Variants in ACOT9 observed in about 807,000 individuals in gnomAD.
ACOT9 encodes the protein acyl-CoA thioesterase 9, also known as acyl-coenzyme A thioesterase 9, mitochondrial.
In ACOT9, 34 loss-of-function variants were observed where a neutral mutation model predicts 39.7. The ratio of observed to expected loss-of-function variants is 0.86; its 90% CI spans 0.65 to 1.14. The LOEUF is 1.14. Ranked by LOEUF, ACOT9 falls within the 50% of genes most tolerant of loss-of-function variation. The pLI is 0.00. For synonymous variants in ACOT9, 110 were observed against 120.5 expected, an observed-to-expected ratio of 0.91 and a Z score of 0.57; for missense variants, 313 against 344.1, an observed-to-expected ratio of 0.91 and a Z score of 0.71.
At chrX:23,731,343 G>C (rs773229462) in intron 4 of ACOT9, among the ~76,000 whole-genome samples, 68 of 110,265 alleles carry the variant, frequency 6.2e-4, no homozygotes, top group African/African-American at 2.1e-3. Flanking sequence ...CAGGTGTGGT[G>C]GTGGGCACCT....
rs1183805546 is a variant in ACOT9 at position 23,730,811 on chromosome X, G to A, written c.362+5C>T. The A allele has an allele frequency of 8.4e-7, 1 of 1,190,169 alleles. No individual in the cohort carries two copies. Among genetic ancestry groups the A allele is most frequent in the Admixed American group, 2.4e-5 (1 of 41,809 alleles). On this transcript the variant is annotated splice_donor_5th_base_variant and intron_variant, in intron 5 of 15. Coordinates refer to ENST00000379303, the MANE Select transcript of ACOT9 (RefSeq NM_001037171.2). ...AACAAATACATAAAAATAGCACTGTGTTACCTTACGGTGTTTTGAACAGTC... is the reference window on the plus strand; with the variant it reads ...AACAAATACATAAAAATAGCACTGTATTACCTTACGGTGTTTTGAACAGTC...
intron 3 of ACOT9, among the ~76,000 whole-genome samples, chrX:23,733,949 T>TG (rs754095209): frequency 9.0e-6 from 1 of 111,454 alleles, no homozygotes; most frequent in African/African-American, 3.3e-5. Flanking sequence ...TTAGTAGAGA[T>TG]GGGGTTTCAC....
rs1330840320 is a variant in ACOT9 at position 23,730,396 on chromosome X, G to C, written c.400+131C>G. 5.5e-6 allele frequency: 3 copies of C among 541,488 alleles called. No individual in the cohort carries two copies. In the African/African-American group the frequency reaches 7.1e-5, roughly 13 times the overall value. The allele number at this position is 541,488 out of a possible 1,213,427, so 44.6% of individuals were successfully genotyped here. ...GCATGAGCCACCACGCCCGGCCGAT[G>C]TCCTTCTTTTTTTGTGCACTTTAGA... On this transcript the variant is annotated intron_variant, in intron 6 of 15. Coordinates refer to ENST00000379303, the MANE Select transcript of ACOT9 (RefSeq NM_001037171.2).
chrX:23,720,742 G>A (rs746575796), intron 8 of ACOT9, among the ~76,000 whole-genome samples: 1 of 110,946 alleles, frequency 9.0e-6, no homozygotes, highest in East Asian at 2.8e-4. Context: ...ACCAGTTTAT[G>A]GTACTTTGTG....
At chrX:23,708,002 G>A in intron 9 of ACOT9, 58 bp from the exon 10 acceptor site, 1 of 999,174 alleles carries the variant, frequency 1.0e-6, no homozygotes, top group Non-Finnish European at 1.4e-6. Flanking sequence ...AATAAAACTT[G>A]AAGATGAACA....
Position 23,742,213 on chromosome X carries a change from T to TGAGTGAGAGAGAGA in ACOT9, c.20+911_20+912insTCTCTCTCTCACTC, listed in dbSNP as rs1555941896. Among the ~76,000 whole-genome samples, 15 of 68,882 alleles carry TGAGTGAGAGAGAGA rather than the reference T, an allele frequency of 2.2e-4. 1 individual carries two copies. The highest frequency in any genetic ancestry group is 8.2e-4 in the South Asian group (1 of 1,223). The allele number at this position is 68,882 out of a possible 115,157, so 59.8% of individuals were successfully genotyped here. On this transcript the variant is annotated intron_variant, in intron 1 of 15. Transcript: ENST00000379303. Reference sequence around the variant, plus strand: ...AAAGTCCCCAGGAACAGTGAGTGAGTGAGAGAGAGAGAGAGAGAGAGAGGG... The same window carrying TGAGTGAGAGAGAGA: ...AAAGTCCCCAGGAACAGTGAGTGAGTGAGTGAGAGAGAGAGAGAGAGAGAGAGAGAGAGAGAGGG...
chrX:23,726,242 A>T (rs1234763396), intron 6 of ACOT9, among the ~76,000 whole-genome samples: 1 of 111,930 alleles, frequency 8.9e-6, no homozygotes, highest in Non-Finnish European at 1.9e-5. Flanking sequence ...TAAATTCAAA[A>T]AATAATCAGT....
At chrX:23,721,701 G>C (rs1380507777) in intron 8 of ACOT9, among the ~76,000 whole-genome samples, 180 bp downstream of exon 8, 1 of 112,120 alleles carries the variant, frequency 8.9e-6, no homozygotes, top group African/African-American at 3.2e-5. Context: ...TAGTACGTCA[G>C]GCTTTGTCCA....
Position 23,701,726 on chromosome X carries a change from G to A in ACOT9, c.*2168C>T, listed in dbSNP as rs1407597626. Among the ~76,000 whole-genome samples, 1 of 111,246 alleles carries A rather than the reference G, an allele frequency of 9.0e-6. No homozygotes were observed. The highest frequency in any genetic ancestry group is 3.3e-5 in the African/African-American group (1 of 30,710). On this transcript the variant is annotated 3_prime_UTR_variant, in exon 16 of 16. Coordinates refer to ENST00000379303, the MANE Select transcript of ACOT9 (RefSeq NM_001037171.2). ...TCCCATCTCAGTCTCCCAAAGTGCT[G>A]GGATTACAGGCATGAGCCACCACTG...
chrX:23,733,553 G>C (rs1345263174), intron 3 of ACOT9, among the ~76,000 whole-genome samples: 3 of 112,010 alleles, frequency 2.7e-5, no homozygotes, highest in Admixed American at 1.9e-4. Context: ...TTATGATGGA[G>C]ATATGAACAG....
At position 23,705,858 on chromosome X, in the gene ACOT9, C is replaced by A. The variant is rs763233076; in HGVS notation, c.843G>T (p.Lys281Asn). 7 of 1,183,076 alleles carry A rather than the reference C, an allele frequency of 5.9e-6. No individual in the cohort carries two copies. The Middle Eastern group carries it at 9.5e-4, about 161-fold the overall frequency. Residue 281 changes from lysine (K) to asparagine (N), a missense_variant and splice_region_variant, in exon 12 of 16, where the codon AAG becomes AAT. Coordinates refer to ENST00000379303, the MANE Select transcript of ACOT9 (RefSeq NM_001037171.2). The stretch of plus-strand genomic sequence containing the variant: ...AAACTCGACTCCGAAAACTTATAGT[C>A]CTGTACAAATGAATATTTATTAAAC... ...HEMFLSTLDP[K>N]TISFRSRVLP...
In ACOT9 at chrX:23,743,116, G is replaced by A. The variant is rs1302378701; in HGVS notation, c.20+9C>T. The A allele has an allele frequency of 3.3e-5, 38 of 1,153,980 alleles. No homozygotes were observed. Among genetic ancestry groups the A allele is most frequent in the Non-Finnish European group, 4.0e-5 (35 of 865,837 alleles). ...GCCCTGCCAGCCCCTTCCACGCCCC[G>A]CCACCTACCGCAGTGCTGCCCGCCT... On this transcript the variant is annotated intron_variant, in intron 1 of 15. Transcript: ENST00000379303.
chrX:23,720,526 T>G (rs1444240970), intron 8 of ACOT9, among the ~76,000 whole-genome samples: 1 of 110,915 alleles, frequency 9.0e-6, no homozygotes, highest in Non-Finnish European at 1.9e-5. Context: ...GAGAACACCA[T>G]GTGATGACGG....
chrX:23,710,538 T>C (rs1928856553), intron 9 of ACOT9, among the ~76,000 whole-genome samples: 1 of 111,948 alleles, frequency 8.9e-6, no homozygotes. Context: ...ATACATGTAA[T>C]ATATTACAAC....
chrX:23,708,386 C>T (rs908650909), intron 9 of ACOT9, among the ~76,000 whole-genome samples: 8 of 110,801 alleles, frequency 7.2e-5, no homozygotes, highest in Admixed American at 2.9e-4. Flanking sequence ...CAAAATTAGC[C>T]GGGCGTGGTG....
chrX:23,740,881 T>C, intron 1 of ACOT9, among the ~76,000 whole-genome samples: 1 of 110,009 alleles, frequency 9.1e-6, no homozygotes, highest in East Asian at 2.9e-4. Context: ...TAGCAAAACC[T>C]CTAGGCCTTT....
intron 4 of ACOT9, 128 bp from the exon 5 acceptor site, chrX:23,731,114 T>C: frequency 2.1e-6 from 1 of 467,690 alleles, no homozygotes; most frequent in Non-Finnish European, 3.5e-6. Context: ...CACCTTCTCT[T>C]CCTTCCCTCC....
At chrX:23,707,827 G>A (rs778589094) in intron 10 of ACOT9, 50 bp downstream of exon 10, 22 of 932,248 alleles carry the variant, frequency 2.4e-5, no homozygotes, top group East Asian at 6.7e-5. Flanking sequence ...CTTCTGCAGC[G>A]TAATTAATGT....
At chrX:23,730,618 A>G (rs1569197015) in intron 5 of ACOT9, 54 bp from the exon 6 acceptor site, 1 of 1,087,778 alleles carries the variant, frequency 9.2e-7, no homozygotes, top group African/African-American at 1.8e-5. Context: ...GTCTCCCTTT[A>G]AAAATAAATA....
Sources: allele counts gnomAD v4.1 joint callset (sites outside exome capture counted in the v4.1 genomes callset), GRCh38; gene constraint gnomAD v4.1.1; transcripts MANE v1.5; gene names NCBI Gene and HGNC (gene_info 2026-07-23, HGNC 2026-07-21).